Variants in SETD1A observed in about 807,000 individuals in gnomAD.
SETD1A encodes the protein histone-lysine N-methyltransferase SETD1A.
SETD1A carries 29 observed loss-of-function variants against 149.9 expected under a neutral mutation model. The ratio of observed to expected loss-of-function variants is 0.19; its 90% CI spans 0.14 to 0.26. The LOEUF is 0.26. SETD1A is among the 10% of genes least tolerant of loss of function. SETD1A has a pLI of 1.00. For synonymous variants in SETD1A, 1,141 were observed against 968.5 expected (o/e 1.18, Z -3.31); for missense variants, 2,109 against 2,353.1 (o/e 0.90, Z 2.15).
rs2056105930 is a variant in SETD1A, at chr16:30,964,478, A to G, written c.870-134A>G. ...CAACAAATTGCTGTCCTCGGGGAAC[A>G]CACTAGCTAGGAACCCAACATATAG... On this transcript the variant is annotated intron_variant, in intron 6 of 18. Coordinates refer to ENST00000262519, the MANE Select transcript of SETD1A (RefSeq NM_014712.3). 12 of 1,462,374 alleles carry G rather than the reference A, an allele frequency of 8.2e-6. No homozygotes were observed. In the South Asian group the frequency reaches 1.2e-4, roughly 14 times the overall value. 90.6% of individuals were successfully genotyped at this position (1,462,374 alleles called of 1,614,324 possible). A position where few individuals can be genotyped will look rare whatever the true frequency, so the allele number is the denominator to read the frequency against.
At position 30,965,855 on chromosome 16, in the gene SETD1A, C is replaced by T. The variant is rs1313239705; in HGVS notation, c.1974C>T (p.Asp658=). Residue 658 remains aspartate, a synonymous_variant, in exon 8 of 19, where the codon GAC becomes GAT. Transcript: ENST00000262519. ...CTCCACCACCCCCGCACATCTATGA[C>T]TTTGTGAACTCCTTGGAGCTCATGG... ...PPPPPPPHIY[D]FVNSLELMDR... 1.9e-6 allele frequency: 3 copies of T among 1,610,830 alleles called. No homozygotes were observed. Among genetic ancestry groups the T allele is most frequent in the East Asian group, 2.2e-5 (1 of 44,762 alleles).
At chr16:30,974,443 A>G (rs1438448061) in intron 13 of SETD1A, among the ~76,000 whole-genome samples, 1 of 152,104 alleles carries the variant, frequency 6.6e-6, no homozygotes, top group Admixed American at 6.6e-5. Flanking sequence ...AGCAGTGGGC[A>G]AGCAGGGCCC....
chr16:30,975,455 G>A (rs2056274181), intron 13 of SETD1A, among the ~76,000 whole-genome samples: 1 of 141,634 alleles, frequency 7.1e-6, no homozygotes, highest in East Asian at 2.1e-4. Context: ...TTTTGAGATG[G>A]AGTCTCATTG....
chr16:30,958,519 T>G (rs917164187), intron 1 of SETD1A, 198 bp from the exon 2 acceptor site: 1 of 579,414 alleles, frequency 1.7e-6, no homozygotes, highest in Non-Finnish European at 3.1e-6. Context: ...ACAGTAGAGT[T>G]GGGAGGTGGA....
chr16:30,971,564 A>T lies in SETD1A; in HGVS notation c.3203A>T (p.Glu1068Val). The T allele has an allele frequency of 6.2e-7, 1 of 1,613,836 alleles. No homozygotes were observed. Among genetic ancestry groups the T allele is most frequent in the African/African-American group, 1.3e-5 (1 of 74,998 alleles). Residue 1068 changes from glutamate to valine, a missense_variant, in exon 13 of 19, where the codon GAG (glutamate) becomes GTG (valine). Transcript: ENST00000262519. The stretch of plus-strand genomic sequence containing the variant: ...TCCTCCTCTGAAGATGAAGAGGAAG[A>T]GGAGCGGCCAGCAGCCCTTCCCTCA... ...SESSSEDEEE[E>V]ERPAALPSAS...
chr16:30,968,655 G>A (rs2056183777), intron 10 of SETD1A, among the ~76,000 whole-genome samples: 1 of 151,950 alleles, frequency 6.6e-6, no homozygotes, highest in Admixed American at 6.6e-5. Context: ...AGAAAAATTA[G>A]CCAGGCGTGG....
At chr16:30,970,398 G>A (rs766344185) in intron 12 of SETD1A, among the ~76,000 whole-genome samples, 26 of 151,916 alleles carry the variant, frequency 1.7e-4, no homozygotes, top group Middle Eastern at 3.4e-3. Flanking sequence ...CTCCCAAAGC[G>A]CTGGGATTAC....
At position 30,969,352 on chromosome 16, in the gene SETD1A, A is replaced by C. The variant is rs772404060; in HGVS notation, c.2818A>C (p.Lys940Gln). The C allele has an allele frequency of 6.2e-7, 1 of 1,614,184 alleles. No homozygotes were observed. Among genetic ancestry groups the C allele is most frequent in the South Asian group, 1.1e-5 (1 of 91,086 alleles). ...TGGAGAGCCAGGACGTCCGGGGACC[A>C]AGCCCCCGAAGCGGGACGAAGAGCG... ...EAGEPGRPGT[K>Q]PPKRDEERGK... is the part of the protein sequence containing the mutation. Residue 940 changes from lysine (K) to glutamine (Q), a missense_variant, in exon 11 of 19, where the codon AAG (lysine) becomes CAG (glutamine). This residue lies in a region of SETD1A where 832 missense variants were observed against 815.6 expected (regional missense o/e 1.02). Coordinates refer to ENST00000262519, the MANE Select transcript of SETD1A (RefSeq NM_014712.3).
Position 30,969,619 on chromosome 16 carries a change from G to A in SETD1A, c.2946G>A (p.Glu982=), listed in dbSNP as rs756517539. 2 of 1,613,970 alleles carry A rather than the reference G, an allele frequency of 1.2e-6. No individual in the cohort carries two copies. The highest frequency in any genetic ancestry group is 1.6e-4 in the Middle Eastern group (1 of 6,062). The change falls in exon 12 of 19, where the codon GAG becomes GAA. Residue 982 remains glutamate, a synonymous_variant. Transcript: ENST00000262519. The stretch of plus-strand genomic sequence containing the variant: ...TTCTTAAGGATGAGGAGGATGACGA[G>A]GAAGATGAGGAAGATGAAGATCGAG... ...SSSEKDEEDD[E]EDEEDEDREE...
chr16:30,966,513 T>C (rs2056149506), intron 8 of SETD1A, 127 bp downstream of exon 8: 1 of 1,403,798 alleles, frequency 7.1e-7, no homozygotes, highest in East Asian at 2.5e-5. Flanking sequence ...CCGCAGGCCC[T>C]GCAGGCCACC....
chr16:30,981,995 A>G (rs2056385026), intron 17 of SETD1A, among the ~76,000 whole-genome samples: 1 of 152,050 alleles, frequency 6.6e-6, no homozygotes, highest in African/African-American at 2.4e-5. Flanking sequence ...TATTAACAAG[A>G]TCTTAACAAG....
At chr16:30,962,824 A>G (rs2056072930) in intron 4 of SETD1A, among the ~76,000 whole-genome samples, 1 of 152,242 alleles carries the variant, frequency 6.6e-6, no homozygotes, top group Non-Finnish European at 1.5e-5. Flanking sequence ...TCATGCTTAT[A>G]ATCCCAGCTA....
Position 30,971,550 on chromosome 16 carries a change from AGAT to A in SETD1A, c.3192_3194del (p.Asp1064del), listed in dbSNP as rs1167449178. 1.2e-6 allele frequency: 2 copies of A among 1,613,776 alleles called. No homozygotes were observed. Among genetic ancestry groups the A allele is most frequent in the South Asian group, 2.2e-5 (2 of 91,056 alleles). On this transcript the variant is annotated inframe_deletion, in exon 13 of 19. Transcript: ENST00000262519. ...CTTCATCCTCTGAGTCCTCCTCTGA[AGAT>A]GAAGAGGAAGAGGAGCGGCCAGCAG...
At chr16:30,978,573 C>T (rs1327480711) in intron 13 of SETD1A, among the ~76,000 whole-genome samples, 2 of 152,320 alleles carry the variant, frequency 1.3e-5, no homozygotes, top group East Asian at 3.9e-4. Flanking sequence ...CCCCTCCCTG[C>T]AGGGCATGTT....
rs1302968077 is a variant in SETD1A at position 30,969,599 on chromosome 16, A to G, written c.2929-3A>G. 2 of 1,613,786 alleles carry G rather than the reference A, an allele frequency of 1.2e-6. No homozygotes were observed. Among genetic ancestry groups the G allele is most frequent in the East Asian group, 2.2e-5 (1 of 44,880 alleles). On this transcript the variant is annotated splice_region_variant and splice_polypyrimidine_tract_variant and intron_variant, in intron 11 of 18. Coordinates refer to ENST00000262519, the MANE Select transcript of SETD1A (RefSeq NM_014712.3). ...TTAGTCCTCATTTGTCTTTTTTCTT[A>G]AGGATGAGGAGGATGACGAGGAAGA...
chr16:30,968,845 C>G (rs2056187855), intron 10 of SETD1A, among the ~76,000 whole-genome samples: 1 of 151,980 alleles, frequency 6.6e-6, no homozygotes, highest in Admixed American at 6.6e-5. Context: ...TGGCTCACGC[C>G]TATAATCCCA....
rs1181593322 is a variant in SETD1A at position 30,961,311 on chromosome 16, T to C, written c.291T>C (p.Thr97=). 1 of 1,614,172 alleles carries C rather than the reference T, an allele frequency of 6.2e-7. No individual in the cohort carries two copies. The highest frequency in any genetic ancestry group is 1.1e-5 in the South Asian group (1 of 91,084). ...YIGQIPLKEV[T]FARLNDNVRE... ...GACAGATTCCACTGAAGGAAGTGACTTTTGCAAGGCTGAATGACAACGTGC... is the reference window on the plus strand; with the variant it reads ...GACAGATTCCACTGAAGGAAGTGACCTTTGCAAGGCTGAATGACAACGTGC... Residue 97 remains threonine (T), a synonymous_variant, in exon 4 of 19, where the codon ACT becomes ACC. Transcript: ENST00000262519. The surrounding 1 kb of genome is among the most constrained non-coding windows in gnomAD (Gnocchi z 4.0).
At chr16:30,964,450 A>G (rs2056105540) in intron 6 of SETD1A, 127 bp downstream of exon 6, 1 of 1,346,496 alleles carries the variant, frequency 7.4e-7, no homozygotes, top group Non-Finnish European at 1.0e-6. Context: ...CTGTGGATTC[A>G]GTCAACAAAT....
At chr16:30,971,867 A>G in intron 13 of SETD1A, 148 bp downstream of exon 13, 1 of 1,141,786 alleles carries the variant, frequency 8.8e-7, no homozygotes, top group Non-Finnish European at 1.2e-6. Flanking sequence ...ACTACCTTCT[A>G]GAGACATTGA....
Sources: gnomAD v4.1 joint callset for allele counts (sites outside exome capture counted in the v4.1 genomes callset) on GRCh38, gnomAD v4.1.1 for gene constraint, gnomAD v4.1.1 regional missense constraint, Gnocchi (gnomAD v3.1) non-coding constraint, MANE v1.5 for transcripts, NCBI Gene and HGNC (gene_info 2026-07-23, HGNC 2026-07-21) for gene names.